CATSPERB: variants seen among roughly 807,000 people sequenced by gnomAD.
CATSPERB encodes cation channel sperm-associated auxiliary subunit beta.
In CATSPERB, 93 loss-of-function variants were observed where a neutral mutation model predicts 128.3. The observed-to-expected ratio is 0.72, with a 90% CI of 0.61 to 0.86. The LOEUF (loss-of-function observed/expected upper bound fraction) is 0.86, where lower values mean the gene tolerates loss of function less well. Ranked by LOEUF, CATSPERB falls within the 40% of genes least tolerant of loss-of-function variation. CATSPERB has a pLI of 0.00. For synonymous variants in CATSPERB, 381 were observed against 448.8 expected (o/e 0.85, Z 1.91); for missense variants, 1,153 against 1,329.5 (o/e 0.87, Z 2.06).
Position 91,679,675 on chromosome 14 carries a change from A to G in CATSPERB, c.931+4202T>C, listed in dbSNP as rs148495895. ...TTGTTTTACAATGACCTATCATTCTATTTTGACCAAATGTTTTGAGCCTTT... is the reference window on the plus strand; with the variant it reads ...TTGTTTTACAATGACCTATCATTCTGTTTTGACCAAATGTTTTGAGCCTTT... On this transcript the variant is annotated intron_variant, in intron 11 of 26. Transcript: ENST00000256343. 3.9e-3 allele frequency among the ~76,000 whole-genome samples: 588 copies of G among 152,310 alleles called. 3 individuals carry two copies. Among genetic ancestry groups the G allele is most frequent in the Middle Eastern group, 0.014 (4 of 294 alleles).
chr14:91,594,271 G>A (rs1893461192), intron 22 of CATSPERB, among the ~76,000 whole-genome samples: 1 of 151,280 alleles, frequency 6.6e-6, no homozygotes, highest in South Asian at 2.1e-4. Flanking sequence ...GGTGGGAATT[G>A]AACAATGAGA....
At chr14:91,587,059 G>T in intron 26 of CATSPERB, 143 bp downstream of exon 26, 1 of 619,956 alleles carries the variant, frequency 1.6e-6, no homozygotes, top group Non-Finnish European at 2.8e-6. Context: ...CAGGGTCAAT[G>T]CTACCCTTCA....
chr14:91,605,550 C>T (rs1056953487), intron 22 of CATSPERB, among the ~76,000 whole-genome samples: 4 of 152,182 alleles, frequency 2.6e-5, no homozygotes, highest in African/African-American at 7.2e-5. Flanking sequence ...GAAATCATTT[C>T]CACGGCCGAG....
chr14:91,717,077 G>A (rs1678397231), intron 5 of CATSPERB, among the ~76,000 whole-genome samples: 1 of 152,062 alleles, frequency 6.6e-6, no homozygotes, highest in South Asian at 2.1e-4. Flanking sequence ...CTATAACATA[G>A]ACAAATCTCC....
At chr14:91,681,897 T>C (rs1479700555) in intron 11 of CATSPERB, among the ~76,000 whole-genome samples, 1 of 152,218 alleles carries the variant, frequency 6.6e-6, no homozygotes, top group Non-Finnish European at 1.5e-5. Context: ...TGCCTGTTCA[T>C]GTGTGCCAAG....
At chr14:91,664,666 A>G (rs374078412) in intron 14 of CATSPERB, among the ~76,000 whole-genome samples, 1 of 152,194 alleles carries the variant, frequency 6.6e-6, no homozygotes, top group East Asian at 1.9e-4. Flanking sequence ...TGGTTGCTGT[A>G]CAACCCTCAC....
intron 22 of CATSPERB, chr14:91,604,292 G>C: frequency 1.4e-6 from 1 of 704,512 alleles, no homozygotes; most frequent in South Asian, 1.6e-5. Context: ...ATGGAAACCA[G>C]AACATGTGGT....
chr14:91,716,639 A>G (rs1027672493), intron 5 of CATSPERB, among the ~76,000 whole-genome samples: 1 of 151,902 alleles, frequency 6.6e-6, no homozygotes, highest in South Asian at 2.1e-4. Flanking sequence ...ATGCCACTAC[A>G]CTTTTTTTTA....
intron 5 of CATSPERB, among the ~76,000 whole-genome samples, chr14:91,716,160 G>A (rs932286926): frequency 6.6e-6 from 1 of 152,156 alleles, no homozygotes; most frequent in African/African-American, 2.4e-5. Context: ...GAAAATATCT[G>A]CAAATCATAT....
intron 14 of CATSPERB, 68 bp downstream of exon 14, chr14:91,669,746 C>T (rs1161513763): frequency 2.1e-6 from 3 of 1,423,452 alleles, no homozygotes; most frequent in Non-Finnish European, 2.8e-6. Context: ...TCTTAATGTA[C>T]AGCCATGCAG....
chr14:91,620,839 A>G (rs1894028715), intron 19 of CATSPERB, among the ~76,000 whole-genome samples: 1 of 152,180 alleles, frequency 6.6e-6, no homozygotes, highest in Non-Finnish European at 1.5e-5. Context: ...TCCCGCAAAA[A>G]CTGTGTTTTC....
In CATSPERB at chr14:91,723,093, T is replaced by C. The variant is rs1202757757; in HGVS notation, c.265A>G (p.Met89Val). The C allele has an allele frequency of 6.4e-7, 1 of 1,550,624 alleles. No individual in the cohort carries two copies. The highest frequency in any genetic ancestry group is 2.4e-5 in the East Asian group (1 of 41,816). ...AAGATGCCATTATATGTACTATTCATGATTCCCAAGCTGGGAGCAAGTCCT... is the reference window on the plus strand; with the variant it reads ...AAGATGCCATTATATGTACTATTCACGATTCCCAAGCTGGGAGCAAGTCCT... ...SGGLAPSLGI[M>V]NSTYNGIFHF... is the part of the protein sequence containing the mutation. Residue 89 changes from methionine to valine, a missense_variant, in exon 4 of 27, where the codon ATG becomes GTG. Physicochemically the swap from Met to Val is conservative, Grantham distance 21. Coordinates refer to ENST00000256343, the MANE Select transcript of CATSPERB (RefSeq NM_024764.4).
chr14:91,654,618 G>T (rs1004953807), intron 15 of CATSPERB, among the ~76,000 whole-genome samples: 2 of 152,184 alleles, frequency 1.3e-5, no homozygotes, highest in African/African-American at 2.4e-5. Context: ...GACTCTAAGG[G>T]TCTCAACTTC....
rs1893751975 is a variant in CATSPERB, at chr14:91,608,305, G to A, written c.2698C>T (p.His900Tyr). 2 of 1,598,252 alleles carry A rather than the reference G, an allele frequency of 1.3e-6. No homozygotes were observed. Among genetic ancestry groups the A allele is most frequent in the Admixed American group, 3.4e-5 (2 of 59,454 alleles). The change falls in exon 22 of 27, where the codon CAC becomes TAC. Residue 900 changes from histidine (H) to tyrosine (Y), a missense_variant. By Grantham distance (83) the His-to-Tyr change is moderately conservative. Coordinates refer to ENST00000256343, the MANE Select transcript of CATSPERB (RefSeq NM_024764.4). ...AAAAAGTTATTTACCTTTGACATGT[G>A]AAACATGTTTCTTGGTATGGGTTTG... The part of the protein sequence containing the change: ...PSKPIPRNMF[H>Y]MSKKTGKFKQ...
rs1893753014 is a variant in CATSPERB at position 91,608,342 on chromosome 14, A to G, written c.2661T>C (p.His887=). The change falls in exon 22 of 27, where the codon CAT becomes CAC. Residue 887 remains histidine, a synonymous_variant. Transcript: ENST00000256343. ...IAIPLTDNFY[H]ADPSKPIPRN... ...TTGGTATGGGTTTGCTAGGATCTGC[A>G]TGATAAAAATTATCTGTGAGTGGAA... The G allele has an allele frequency of 6.2e-7, 1 of 1,612,964 alleles. No homozygotes were observed. Among genetic ancestry groups the G allele is most frequent in the Admixed American group, 1.7e-5 (1 of 59,998 alleles).
chr14:91,589,446 G>A (rs1370816020), intron 24 of CATSPERB, 88 bp downstream of exon 24: 1 of 1,327,710 alleles, frequency 7.5e-7, no homozygotes, highest in Admixed American at 2.3e-5. Flanking sequence ...TCTTTTGTGT[G>A]AACAGGCTTT....
intron 15 of CATSPERB, among the ~76,000 whole-genome samples, chr14:91,648,477 T>C (rs529458478): frequency 5.9e-5 from 9 of 152,354 alleles, no homozygotes; most frequent in South Asian, 2.1e-4. Flanking sequence ...TTGATCTTCA[T>C]GTATTAAAGA....
At chr14:91,653,689 C>T (rs993304355) in intron 15 of CATSPERB, among the ~76,000 whole-genome samples, 3 of 152,142 alleles carry the variant, frequency 2.0e-5, no homozygotes, top group African/African-American at 7.2e-5. Context: ...CAGGAAAAAC[C>T]AGCCCCCATG....
In CATSPERB at chr14:91,617,603, T is replaced by G. The variant is rs1893966308; in HGVS notation, c.2394A>C (p.Leu798Phe). 1.9e-6 allele frequency: 3 copies of G among 1,579,838 alleles called. No individual in the cohort carries two copies. The East Asian group carries it at 6.9e-5, about 36-fold the overall frequency. ...VITISAASKV[L>F]HQGSTSLAFI... ...TAAATGAAGAAAATCCTACCTGATG[T>G]AAAACTTTGCTAGCTGCAGAAATTG... Residue 798 changes from leucine to phenylalanine, a missense_variant, in exon 20 of 27, where the codon TTA becomes TTC. Leu to Phe is a conservative substitution (Grantham distance 22). Transcript: ENST00000256343.
Sources: allele counts gnomAD v4.1 joint callset (sites outside exome capture counted in the v4.1 genomes callset), GRCh38; gene constraint gnomAD v4.1.1; transcripts MANE v1.5; gene names NCBI Gene and HGNC (gene_info 2026-07-23, HGNC 2026-07-21).